PXDNL: variants seen among roughly 807,000 people sequenced by gnomAD.
PXDNL encodes the protein probable oxidoreductase PXDNL.
A neutral mutation model predicts 150.8 loss-of-function variants in PXDNL; 145 were observed. That is an observed-to-expected ratio of 0.96 (90% CI 0.84 to 1.10). The LOEUF (loss-of-function observed/expected upper bound fraction) is 1.10. PXDNL is among the 50% of genes least tolerant of loss of function. The pLI, the probability that PXDNL is intolerant of heterozygous loss-of-function variation, is 0.00. For synonymous variants in PXDNL, 757 were observed against 725.7 expected, an observed-to-expected ratio of 1.04 and a Z score of -0.69; for missense variants, 2,087 against 1,873.9, an observed-to-expected ratio of 1.11 and a Z score of -2.10.
intron 1 of PXDNL, among the ~76,000 whole-genome samples, chr8:51,724,177 T>C (rs1042685434): frequency 2.6e-5 from 4 of 151,630 alleles, no homozygotes; most frequent in Admixed American, 2.0e-4. Flanking sequence ...AGGAGAGAGT[T>C]TGGGGCTACA....
At position 51,388,691 on chromosome 8, in the gene PXDNL, T is replaced by A. The variant is rs545050337; in HGVS notation, c.3558-13960A>T. ...TTCCTGTTTTCTACCTCTTGGAACT[T>A]CTATAAATATTTGATGTTTTCAATC... On this transcript the variant is annotated intron_variant, in intron 17 of 22. Transcript: ENST00000356297. 8.5e-5 allele frequency among the ~76,000 whole-genome samples: 13 copies of A among 152,270 alleles called. 1 individual carries two copies. In the East Asian group the frequency reaches 2.5e-3, roughly 29 times the overall value.
chr8:51,400,102 T>C (rs1808202052), intron 17 of PXDNL, among the ~76,000 whole-genome samples: 1 of 152,214 alleles, frequency 6.6e-6, no homozygotes, highest in African/African-American at 2.4e-5. Flanking sequence ...CTTATCCAGC[T>C]TGGGATCAGC....
chr8:51,391,088 T>C (rs879549237), intron 17 of PXDNL, among the ~76,000 whole-genome samples: 6 of 152,258 alleles, frequency 3.9e-5, no homozygotes, highest in South Asian at 2.1e-4. Context: ...TCATTTGTTA[T>C]GGCTGCATAG....
At chr8:51,446,594 G>A (rs1809682335) in intron 12 of PXDNL, among the ~76,000 whole-genome samples, 1 of 152,116 alleles carries the variant, frequency 6.6e-6, no homozygotes, top group Non-Finnish European at 1.5e-5. Flanking sequence ...CACATGAAGA[G>A]TCTGAAGGGG....
At chr8:51,361,659 C>A (rs952816200) in intron 19 of PXDNL, among the ~76,000 whole-genome samples, 1 of 151,976 alleles carries the variant, frequency 6.6e-6, no homozygotes, top group African/African-American at 2.4e-5. Flanking sequence ...TTAAGCAGTG[C>A]ATCTGAAAAT....
chr8:51,380,107 A>C (rs1298298837), intron 17 of PXDNL, among the ~76,000 whole-genome samples: 1 of 149,144 alleles, frequency 6.7e-6, no homozygotes, highest in Non-Finnish European at 1.5e-5. Flanking sequence ...ATACACTAAC[A>C]CTAAGAATAG....
chr8:51,425,646 C>G (rs1809076320), intron 13 of PXDNL, among the ~76,000 whole-genome samples: 2 of 151,784 alleles, frequency 1.3e-5, no homozygotes, highest in East Asian at 3.9e-4. Context: ...ACAGTGAAAC[C>G]CCGTCTCTAC....
intron 1 of PXDNL, among the ~76,000 whole-genome samples, chr8:51,772,514 C>A (rs1039290984): frequency 2.0e-5 from 3 of 152,122 alleles, no homozygotes; most frequent in African/African-American, 7.2e-5. Context: ...GCAAGCTGGG[C>A]AGAGCAGGGA....
At chr8:51,320,649 C>T (rs897936798) in intron 22 of PXDNL, 135 bp downstream of exon 22, 5 of 660,274 alleles carry the variant, frequency 7.6e-6, no homozygotes, top group South Asian at 4.0e-5. Flanking sequence ...CACACCAGTA[C>T]CTTGATCTTA....
At chr8:51,544,671 AC>A (rs952315773) in intron 4 of PXDNL, among the ~76,000 whole-genome samples, 1 of 151,882 alleles carries the variant, frequency 6.6e-6, no homozygotes, top group Non-Finnish European at 1.5e-5. Flanking sequence ...TCCCTTCCTC[AC>A]CCCCCACAAC....
At chr8:51,793,707 A>G (rs1451477565) in intron 1 of PXDNL, among the ~76,000 whole-genome samples, 1 of 152,092 alleles carries the variant, frequency 6.6e-6, no homozygotes, top group Non-Finnish European at 1.5e-5. Context: ...TGGCGAACAT[A>G]GTGAAACACC....
chr8:51,627,656 C>A (rs36070314), intron 2 of PXDNL, among the ~76,000 whole-genome samples: 89,603 of 152,006 alleles, frequency 0.59, 29,936 homozygotes, highest in Non-Finnish European at 0.74. Context: ...CTAGGAAAGT[C>A]AAAGGTTTAC....
At chr8:51,747,177 A>G (rs1021833181) in intron 1 of PXDNL, among the ~76,000 whole-genome samples, 1 of 152,186 alleles carries the variant, frequency 6.6e-6, no homozygotes, top group Non-Finnish European at 1.5e-5. Flanking sequence ...TCCCTGTGAG[A>G]CTCAAAGACC....
At chr8:51,607,895 AGGTG>A (rs1372068850) in intron 2 of PXDNL, among the ~76,000 whole-genome samples, 28 of 82,824 alleles carry the variant, frequency 3.4e-4, no homozygotes, top group Non-Finnish European at 6.1e-4. Flanking sequence ...GAAGGAAGGA[AGGTG>A]GGGAGGGAGG....
intron 1 of PXDNL, among the ~76,000 whole-genome samples, chr8:51,782,737 C>T (rs2037426662): frequency 6.6e-6 from 1 of 152,202 alleles, no homozygotes; most frequent in Non-Finnish European, 1.5e-5. Flanking sequence ...ACCAACGTCT[C>T]CAAGTCATGG....
intron 4 of PXDNL, among the ~76,000 whole-genome samples, chr8:51,537,166 C>T (rs1299680988): frequency 6.6e-6 from 1 of 152,082 alleles, no homozygotes; most frequent in Non-Finnish European, 1.5e-5. Flanking sequence ...ACATTAGAGT[C>T]TCTTGGGGAA....
chr8:51,509,949 T>G (rs1406156725), intron 4 of PXDNL, among the ~76,000 whole-genome samples: 2 of 151,848 alleles, frequency 1.3e-5, no homozygotes, highest in East Asian at 3.9e-4. Context: ...AGGTCAGGGA[T>G]TTTATGTTTT....
chr8:51,565,896 C>T (rs1240393431), intron 3 of PXDNL, among the ~76,000 whole-genome samples: 1 of 151,762 alleles, frequency 6.6e-6, no homozygotes, highest in Non-Finnish European at 1.5e-5. Flanking sequence ...ATAAAGGATA[C>T]TTAACCTGTA....
chr8:51,358,622 A>G (rs1440018922), intron 19 of PXDNL, among the ~76,000 whole-genome samples: 1 of 152,188 alleles, frequency 6.6e-6, no homozygotes, highest in Non-Finnish European at 1.5e-5. Flanking sequence ...GACAAGAGGA[A>G]TGGTCTCGCC....
Sources: allele counts gnomAD v4.1 joint callset (sites outside exome capture counted in the v4.1 genomes callset), GRCh38; gene constraint gnomAD v4.1.1; transcripts MANE v1.5; gene names NCBI Gene and HGNC (gene_info 2026-07-23, HGNC 2026-07-21).